NSD2: variants seen among roughly 807,000 people sequenced by gnomAD.
NSD2 encodes nuclear receptor binding SET domain protein 2.
NSD2 carries 12 observed loss-of-function variants against 139.0 expected under a neutral mutation model. The ratio of observed to expected loss-of-function variants is 0.09; its 90% confidence interval spans 0.06 to 0.14. The LOEUF (loss-of-function observed/expected upper bound fraction) is 0.14. Ranked by LOEUF, NSD2 falls within the 10% of genes least tolerant of loss-of-function variation. The pLI is 1.00. For missense variants in NSD2, 1,155 were observed against 1,745.0 expected, an observed-to-expected ratio of 0.66 and a Z score of 6.02; for synonymous variants, 669 against 648.7, an observed-to-expected ratio of 1.03 and a Z score of -0.48.
At position 1,942,427 on chromosome 4, in the gene NSD2, C is replaced by T; in HGVS notation, c.1881+2649C>T. The stretch of plus-strand genomic sequence containing the variant: ...AATGATGTAATATTCCAGGATGCTG[C>T]TGCAGGTGGCGTATCATCGTACACA... On this transcript the variant is annotated intron_variant, in intron 9 of 21. Coordinates refer to ENST00000508803, the MANE Select transcript of NSD2 (RefSeq NM_001042424.3). This position sits in a 1 kb window ranked among gnomAD's most constrained non-coding sequence, Gnocchi z 4.0. The T allele has an allele frequency of 1.2e-6, 2 of 1,603,100 alleles. No individual in the cohort carries two copies. The highest frequency in any genetic ancestry group is 1.1e-5 in the South Asian group (1 of 88,408).
At chr4:1,929,972 C>T (rs1027068349) in intron 5 of NSD2, among the ~76,000 whole-genome samples, 5 of 152,160 alleles carry the variant, frequency 3.3e-5, no homozygotes, top group African/African-American at 1.2e-4. Context: ...TCCTAGAGAC[C>T]TTGTGAAAGT....
chr4:1,981,200 C>T lies in NSD2; in HGVS notation c.*2291C>T, dbSNP rs1226509672. On this transcript the variant is annotated 3_prime_UTR_variant, in exon 22 of 22. Coordinates refer to ENST00000508803, the MANE Select transcript of NSD2 (RefSeq NM_001042424.3). ...CAAACATTTTAAATATGTTTCTCCC[C>T]CTTTCCAAAAACTGTTAAACTAATG... 8.6e-6 allele frequency: 2 copies of T among 233,148 alleles called. No individual in the cohort carries two copies. The highest frequency in any genetic ancestry group is 4.4e-5 in the African/African-American group (2 of 45,328). The allele number at this position is 233,148 out of a possible 1,614,324, so 14.4% of individuals were successfully genotyped here.
At position 1,972,080 on chromosome 4, in the gene NSD2, C is replaced by T. The variant is rs944655753; in HGVS notation, c.3373-2783C>T. ...GAGCAGCAAGAGGCAAACAGTGTCT[C>T]TCGGAGAATGTGACGGCTGTGTTTG... On this transcript the variant is annotated intron_variant, in intron 18 of 21. Transcript: ENST00000508803. This position sits in a 1 kb window ranked among gnomAD's most constrained non-coding sequence, Gnocchi z 4.0. 6.6e-6 allele frequency among the ~76,000 whole-genome samples: 1 copy of T among 152,204 alleles called. No individual in the cohort carries two copies. Among genetic ancestry groups the T allele is most frequent in the Non-Finnish European group, 1.5e-5 (1 of 68,036 alleles).
At chr4:1,926,951 TCA>T (rs1268957921) in intron 5 of NSD2, among the ~76,000 whole-genome samples, 2 of 152,218 alleles carry the variant, frequency 1.3e-5, no homozygotes, top group African/African-American at 4.8e-5. Flanking sequence ...ATTTACTGTC[TCA>T]CAGTTTCTGT....
intron 1 of NSD2, chr4:1,893,014 ATT>A (rs1399608469): frequency 6.6e-6 from 1 of 151,930 alleles, no homozygotes; most frequent in Non-Finnish European, 1.5e-5. Flanking sequence ...TAAACGAGGA[ATT>A]CTTAGGTTAT....
intron 18 of NSD2, among the ~76,000 whole-genome samples, chr4:1,971,207 T>G (rs1417664955): frequency 6.6e-6 from 1 of 151,864 alleles, no homozygotes; most frequent in African/African-American, 2.4e-5. Flanking sequence ...AAAAAAAAAT[T>G]GTGGCCAAAG....
chr4:1,953,426 A>T lies in NSD2; in HGVS notation c.2240A>T (p.Tyr747Phe), dbSNP rs1440615250. Reference sequence around the variant, plus strand: ...TACCATGAGGCTTGTGTGAAAAAATACCCTCTGACTGTATTTGAGAGCCGA... The same window carrying T: ...TACCATGAGGCTTGTGTGAAAAAATTCCCTCTGACTGTATTTGAGAGCCGA... ...KFYHEACVKK[Y>F]PLTVFESRGF... The change falls in exon 12 of 22, where the codon TAC becomes TTC. Residue 747 changes from tyrosine (Y) to phenylalanine (F), a missense_variant. This residue lies in a region of NSD2 where 120 missense variants were observed against 239.3 expected (regional missense o/e 0.50). Transcript: ENST00000508803. 6.2e-7 allele frequency: 1 copy of T among 1,614,072 alleles called. No homozygotes were observed. The highest frequency in any genetic ancestry group is 2.2e-5 in the East Asian group (1 of 44,884).
chr4:1,932,329 C>G (rs1721738801), intron 6 of NSD2, among the ~76,000 whole-genome samples: 1 of 151,166 alleles, frequency 6.6e-6, no homozygotes, highest in East Asian at 1.9e-4. Context: ...ATCCCAGCTA[C>G]TCGGGAGGCT....
At chr4:1,935,121 T>C in intron 6 of NSD2, 23 bp from the exon 7 acceptor site, 1 of 1,586,258 alleles carries the variant, frequency 6.3e-7, no homozygotes, top group Non-Finnish European at 8.6e-7. Flanking sequence ...TTCATGTACA[T>C]TTTCCCCATT....
At chr4:1,907,858 A>C (rs772679711) in intron 3 of NSD2, among the ~76,000 whole-genome samples, 3 of 152,040 alleles carry the variant, frequency 2.0e-5, no homozygotes, top group African/African-American at 7.2e-5. Flanking sequence ...TGATCCACCC[A>C]CCTTGGCCTC....
intron 1 of NSD2, among the ~76,000 whole-genome samples, chr4:1,872,621 A>AGAGAGAGAGAGAGAGAGAGAGAGT (rs1713930817): frequency 6.9e-6 from 1 of 145,406 alleles, no homozygotes; most frequent in African/African-American, 2.6e-5. Context: ...AGAGAGAGAG[A>AGAGAGAGAGAGAGAGAGAGAGAGT]GAGAGAGAGA....
chr4:1,969,171 T>C (rs1486490367), intron 18 of NSD2, among the ~76,000 whole-genome samples: 1 of 151,910 alleles, frequency 6.6e-6, no homozygotes, highest in Non-Finnish European at 1.5e-5. Flanking sequence ...AAAGAAGGCA[T>C]GGGGAGCTCC....
chr4:1,947,448 C>G (rs1382733309), intron 9 of NSD2: 1 of 1,059,216 alleles, frequency 9.4e-7, no homozygotes, highest in Non-Finnish European at 1.1e-6. Context: ...CTCAGAGACT[C>G]ACCCCCAGCC....
intron 6 of NSD2, among the ~76,000 whole-genome samples, chr4:1,934,894 TATATATATATATATAA>T (rs1451993651): frequency 8.4e-6 from 1 of 119,326 alleles, no homozygotes; most frequent in African/African-American, 3.3e-5. Flanking sequence ...TATATATATA[TATATATATATATATAA>T]AAAACAGATA....
Position 1,976,019 on chromosome 4 carries a change from C to A in NSD2, c.3622-456C>A, listed in dbSNP as rs1450533427. ...AAGCCTGGCGGTGGCACCAGCTCGG[C>A]CCTGAGCCGGTGTCTGTCCTCAGCC... On this transcript the variant is annotated intron_variant, in intron 20 of 21. Coordinates refer to ENST00000508803, the MANE Select transcript of NSD2 (RefSeq NM_001042424.3). This position sits in a 1 kb window ranked among gnomAD's most constrained non-coding sequence, Gnocchi z 5.3. Among the ~76,000 whole-genome samples, 3 of 152,182 alleles carry A rather than the reference C, an allele frequency of 2.0e-5. No homozygotes were observed. Among genetic ancestry groups the A allele is most frequent in the South Asian group, 2.1e-4 (1 of 4,818 alleles).
At chr4:1,961,355 C>G (rs1251076987) in intron 18 of NSD2, among the ~76,000 whole-genome samples, 2 of 152,214 alleles carry the variant, frequency 1.3e-5, no homozygotes, top group Admixed American at 6.5e-5. Context: ...CTCTCAGCAC[C>G]CAGGCACCCT....
intron 5 of NSD2, among the ~76,000 whole-genome samples, chr4:1,926,188 C>T (rs1720890272): frequency 6.9e-6 from 1 of 145,418 alleles, no homozygotes; most frequent in Admixed American, 6.8e-5. Context: ...CGTAGTCTCG[C>T]ACTGTTGCCA....
Position 1,913,263 on chromosome 4 carries a change from C to A in NSD2, c.761-3608C>A, listed in dbSNP as rs560668333. Among the ~76,000 whole-genome samples the A allele has an allele frequency of 5.3e-4, 80 of 152,272 alleles. 1 individual carries two copies. Among genetic ancestry groups the A allele is most frequent in the African/African-American group, 1.8e-3 (76 of 41,540 alleles). On this transcript the variant is annotated intron_variant, in intron 3 of 21. Transcript: ENST00000508803. ...CCTGGGAAGGCACCTGTTACTTAGC[C>A]GACCTTGGTCTAGCGGTAGCGCCAG...
Position 1,980,990 on chromosome 4 carries a change from A to T in NSD2, c.*2081A>T, listed in dbSNP as rs1007482930. ...CCCAGGGCCCCGCTGTCACTTGCCC[A>T]AAAGATCCCTTCCGGCAGGTAAGGG... On this transcript the variant is annotated 3_prime_UTR_variant, in exon 22 of 22. Coordinates refer to ENST00000508803, the MANE Select transcript of NSD2 (RefSeq NM_001042424.3). The T allele has an allele frequency of 3.0e-5, 7 of 233,132 alleles. No individual in the cohort carries two copies. The highest frequency in any genetic ancestry group is 1.5e-4 in the African/African-American group (7 of 45,356). The allele number at this position is 233,132 out of a possible 1,614,324, so 14.4% of individuals were successfully genotyped here. A position where few individuals can be genotyped will look rare whatever the true frequency, so the allele number is the denominator to read the frequency against.
Sources: allele counts gnomAD v4.1 joint callset (sites outside exome capture counted in the v4.1 genomes callset), GRCh38; gene constraint gnomAD v4.1.1; regional missense constraint gnomAD v4.1.1; non-coding constraint Gnocchi (gnomAD v3.1); transcripts MANE v1.5; gene names NCBI Gene and HGNC (gene_info 2026-07-23, HGNC 2026-07-21).